ADGRL3: variants seen among roughly 807,000 people sequenced by gnomAD.
ADGRL3 encodes the protein adhesion G protein-coupled receptor L3.
A neutral mutation model predicts 153.5 loss-of-function variants in ADGRL3; 62 were observed. That is an observed-to-expected ratio of 0.40 (90% confidence interval 0.33 to 0.50). The LOEUF is 0.50. Among genes scored for constraint, ADGRL3 ranks in the 20% least tolerant of loss-of-function variants. The pLI is 0.47. For missense variants in ADGRL3, 1,641 were observed against 1,859.4 expected (o/e 0.88, Z 2.16); for synonymous variants, 710 against 672.5 (o/e 1.06, Z -0.86).
At chr4:61,925,096 C>T (rs113764136) in intron 13 of ADGRL3, among the ~76,000 whole-genome samples, 1 of 152,124 alleles carries the variant, frequency 6.6e-6, no homozygotes, top group African/African-American at 2.4e-5. Context: ...CCCTCAAAAG[C>T]AGTATCTCTG....
At chr4:61,378,451 A>G (rs1382169938) in intron 1 of ADGRL3, among the ~76,000 whole-genome samples, 1 of 152,028 alleles carries the variant, frequency 6.6e-6, no homozygotes, top group Non-Finnish European at 1.5e-5. Context: ...CTACTGATTT[A>G]AAGTTTACCA....
At chr4:61,897,794 T>G (rs1268814781) in intron 11 of ADGRL3, among the ~76,000 whole-genome samples, 1 of 152,136 alleles carries the variant, frequency 6.6e-6, no homozygotes, top group Admixed American at 6.6e-5. Flanking sequence ...ACCTGTGTAG[T>G]ACCAGAGTCC....
intron 5 of ADGRL3, among the ~76,000 whole-genome samples, chr4:61,631,597 A>C (rs924995530): frequency 6.6e-5 from 10 of 152,088 alleles, no homozygotes; most frequent in Non-Finnish European, 1.3e-4. Flanking sequence ...CACCCTATAC[A>C]TTACCGTTAA....
intron 8 of ADGRL3, among the ~76,000 whole-genome samples, chr4:61,743,324 C>CAAAAAAAAAAAAA (rs752363213): frequency 3.9e-5 from 2 of 50,854 alleles, no homozygotes; most frequent in Non-Finnish European, 9.3e-5. Flanking sequence ...GACTCCATCT[C>CAAAAAAAAAAAAA]AAAAAAAAAA....
At chr4:61,514,598 T>C (rs2098481707) in intron 3 of ADGRL3, among the ~76,000 whole-genome samples, 1 of 152,180 alleles carries the variant, frequency 6.6e-6, no homozygotes, top group Non-Finnish European at 1.5e-5. Flanking sequence ...CTAGTTTTTC[T>C]GTCACCCATT....
At chr4:62,008,362 C>T (rs908538833) in intron 21 of ADGRL3, among the ~76,000 whole-genome samples, 2 of 152,032 alleles carry the variant, frequency 1.3e-5, no homozygotes, top group Admixed American at 6.6e-5. Context: ...GGCATCTACA[C>T]GAGTAGGCAA....
chr4:61,973,335 C>T (rs2099036253), intron 17 of ADGRL3, among the ~76,000 whole-genome samples: 1 of 151,920 alleles, frequency 6.6e-6, no homozygotes, highest in African/African-American at 2.4e-5. Flanking sequence ...AAGTGACATT[C>T]ATTGTGTAAG....
In ADGRL3 at chr4:61,703,878, T is replaced by G. The variant is rs111680660; in HGVS notation, c.584-26744T>G. On this transcript the variant is annotated intron_variant, in intron 6 of 26. Transcript: ENST00000683033. ...TTTTTTCCTACATAAATAAAGGGTT[T>G]GTTTGGAAGTTAGAGTGGAGATAAG... 2.0e-3 allele frequency among the ~76,000 whole-genome samples: 304 copies of G among 152,056 alleles called. 1 individual carries two copies. The highest frequency in any genetic ancestry group is 6.7e-3 in the African/African-American group (279 of 41,476).
chr4:62,068,308 CT>C, intron 26 of ADGRL3, 125 bp downstream of exon 26: 3 of 770,188 alleles, frequency 3.9e-6, no homozygotes, highest in Non-Finnish European at 5.9e-6. Context: ...ACTAAAAAGC[CT>C]ATGAATCGAC....
intron 15 of ADGRL3, among the ~76,000 whole-genome samples, chr4:61,938,819 A>G (rs2098852243): frequency 7.7e-6 from 1 of 129,942 alleles, no homozygotes; most frequent in South Asian, 2.6e-4. Context: ...AAAGTAGGGA[A>G]TTTCCCAAAC....
intron 5 of ADGRL3, among the ~76,000 whole-genome samples, chr4:61,594,233 T>C (rs997632877): frequency 2.0e-5 from 3 of 152,142 alleles, no homozygotes; most frequent in African/African-American, 7.2e-5. Context: ...TCTTTGTGTT[T>C]CCTCAAAACA....
At chr4:61,207,068 A>G (rs1737620635) in intron 1 of ADGRL3, among the ~76,000 whole-genome samples, 1 of 151,926 alleles carries the variant, frequency 6.6e-6, no homozygotes, top group South Asian at 2.1e-4. Context: ...TTATTATTAT[A>G]CTTTTAAATT....
chr4:61,320,429 ACATAATTGTGGAGCTCC>A (rs564572975), intron 1 of ADGRL3, among the ~76,000 whole-genome samples: 3 of 152,318 alleles, frequency 2.0e-5, no homozygotes, highest in Admixed American at 1.3e-4. Context: ...GAACTGGCTC[ACATAATTGTGGAGCTCC>A]CAAGTGCAAA....
chr4:61,378,371 G>T (rs1289057000), intron 1 of ADGRL3, among the ~76,000 whole-genome samples: 2 of 151,938 alleles, frequency 1.3e-5, no homozygotes, highest in Non-Finnish European at 2.9e-5. Flanking sequence ...TTTATATAAT[G>T]GAGTACCCTT....
chr4:61,405,348 G>T (rs911631188), intron 2 of ADGRL3, among the ~76,000 whole-genome samples: 1 of 152,012 alleles, frequency 6.6e-6, no homozygotes, highest in Non-Finnish European at 1.5e-5. Flanking sequence ...AAAGGACACA[G>T]TTCTGTAACA....
At chr4:61,406,440 T>G (rs932817754) in intron 2 of ADGRL3, among the ~76,000 whole-genome samples, 1 of 151,826 alleles carries the variant, frequency 6.6e-6, no homozygotes, top group African/African-American at 2.4e-5. Context: ...CTATATATTA[T>G]TAAAGTAGAT....
intron 9 of ADGRL3, among the ~76,000 whole-genome samples, chr4:61,825,847 A>G (rs1415760080): frequency 2.0e-5 from 3 of 152,202 alleles, no homozygotes; most frequent in Non-Finnish European, 1.5e-5. Flanking sequence ...TAAAAATGTC[A>G]TAAAATTGCT....
In ADGRL3 at chr4:61,967,773, A is replaced by G. The variant is rs923640947; in HGVS notation, c.2806-11790A>G. Among the ~76,000 whole-genome samples, 5 of 152,254 alleles carry G rather than the reference A, an allele frequency of 3.3e-5. No homozygotes were observed. In the East Asian group the frequency reaches 9.6e-4, roughly 29 times the overall value. ...AAATTAAAACACTATCAGGATTAAT[A>G]GTTGTAAAGCACATAGTTTTACCTT... On this transcript the variant is annotated intron_variant, in intron 17 of 26. Coordinates refer to ENST00000683033, the MANE Select transcript of ADGRL3 (RefSeq NM_001387552.1).
intron 18 of ADGRL3, among the ~76,000 whole-genome samples, chr4:61,980,306 A>ATTTT (rs756680977): frequency 0.34 from 25,157 of 74,126 alleles, 6,634 homozygotes; most frequent in Non-Finnish European, 0.42. Flanking sequence ...GTAACCACTA[A>ATTTT]TTTTTTTTTT....
Sources: gnomAD v4.1 joint callset for allele counts (sites outside exome capture counted in the v4.1 genomes callset) on GRCh38, gnomAD v4.1.1 for gene constraint, MANE v1.5 for transcripts, NCBI Gene and HGNC (gene_info 2026-07-23, HGNC 2026-07-21) for gene names.